CD163L1: variants seen among roughly 807,000 people sequenced by gnomAD.
CD163L1 encodes the protein scavenger receptor cysteine-rich type 1 protein M160.
In CD163L1, 124 loss-of-function variants were observed where a neutral mutation model predicts 165.4. That is an observed-to-expected ratio of 0.75 (90% confidence interval 0.65 to 0.87). The LOEUF is 0.87. Among genes scored for constraint, CD163L1 ranks in the 40% least tolerant of loss-of-function variants. CD163L1 has a pLI of 0.00. For synonymous variants in CD163L1, 585 were observed against 662.2 expected (o/e 0.88, Z 1.79); for missense variants, 1,525 against 1,799.9 (o/e 0.85, Z 2.76).
At chr12:7,349,611 C>T (rs1212471947) in intron 4 of CD163L1, among the ~76,000 whole-genome samples, 2 of 152,158 alleles carry the variant, frequency 1.3e-5, no homozygotes, top group Non-Finnish European at 2.9e-5. Context: ...CTACAATTGT[C>T]GTGGCCACAC....
chr12:7,421,745 GTA>G (rs150499022), intron 4 of CD163L1, among the ~76,000 whole-genome samples: 12 of 1,752 alleles, frequency 6.8e-3, no homozygotes, highest in South Asian at 0.023. Context: ...ATGTGTGTGT[GTA>G]TATATATATA....
At chr12:7,322,522 G>A in the CD163L1 span, 1 of 1,613,776 alleles carries the variant, frequency 6.2e-7, no homozygotes, top group African/African-American at 1.3e-5. Flanking sequence ...CTATATGAGG[G>A]CTATGGACAG....
At chr12:7,364,182 C>T (rs1203279850) in intron 18 of CD163L1, among the ~76,000 whole-genome samples, 1 of 151,976 alleles carries the variant, frequency 6.6e-6, no homozygotes, top group African/African-American at 2.4e-5. Flanking sequence ...GAATCAAGAA[C>T]AAAACCCATA....
Position 7,432,672 on chromosome 12 carries a change from C to A in CD163L1, c.510G>T (p.Val170=). The change falls in exon 4 of 20, where the codon GTG becomes GTT. Residue 170 remains valine, a synonymous_variant. Transcript: ENST00000313599. The surrounding 1 kb of genome is among the most constrained non-coding windows in gnomAD (Gnocchi z 4.2). ...GNNSCSGRVE[V]KFQERWGTIC... is the part of the protein sequence containing the mutation. ...TAGTTCCCCACCTTTCTTGGAATTT[C>A]ACCTCCACTCTCCCTGAACAGGAGT... The A allele has an allele frequency of 1.9e-6, 3 of 1,614,068 alleles. No homozygotes were observed. The highest frequency in any genetic ancestry group is 2.5e-6 in the Non-Finnish European group (3 of 1,180,012).
rs1947842657 is a variant in CD163L1 at position 7,398,979 on chromosome 12, G to A, written c.1409-395C>T. On this transcript the variant is annotated intron_variant, in intron 6 of 19. Coordinates refer to ENST00000313599, the MANE Select transcript of CD163L1 (RefSeq NM_174941.6). This position sits in a 1 kb window ranked among gnomAD's most constrained non-coding sequence, Gnocchi z 4.5. ...TAGCACCAAAGCTTATCCCCTCATA[G>A]TCGTCATTTTAGTTTGTCCACTCAT... is the stretch of plus-strand genomic sequence containing the variant. Among the ~76,000 whole-genome samples, 1 of 152,162 alleles carries A rather than the reference G, an allele frequency of 6.6e-6. No homozygotes were observed. Among genetic ancestry groups the A allele is most frequent in the Non-Finnish European group, 1.5e-5 (1 of 68,026 alleles).
chr12:7,365,430 C>G (rs1021449542), intron 18 of CD163L1, among the ~76,000 whole-genome samples: 2 of 151,944 alleles, frequency 1.3e-5, no homozygotes, highest in Non-Finnish European at 2.9e-5. Context: ...TTATATCAAT[C>G]AAAAATCTTC....
At chr12:7,435,804 T>C (rs1036543886) in intron 2 of CD163L1, among the ~76,000 whole-genome samples, 3 of 152,088 alleles carry the variant, frequency 2.0e-5, no homozygotes, top group Non-Finnish European at 4.4e-5. Flanking sequence ...ATTGACAGGA[T>C]AATAGACAAA....
chr12:7,322,585 T>C, the CD163L1 span: 4 of 1,563,380 alleles, frequency 2.6e-6, no homozygotes, highest in Non-Finnish European at 1.7e-6. Flanking sequence ...TGGGGGCCTT[T>C]CTGCCCCAGG....
Position 7,368,967 on chromosome 12 carries a change from TGAGAGA to T in CD163L1, c.4040-8_4040-3del, listed in dbSNP as rs59576617. 1.0e-5 allele frequency: 16 copies of T among 1,542,006 alleles called. No individual in the cohort carries two copies. The highest frequency in any genetic ancestry group is 8.9e-6 in the Non-Finnish European group (10 of 1,123,254). Reference sequence around the variant, plus strand: ...CATTCAGTGATTTCAGCGACTGTCCTGAGAGAGAGAGAGAGAGAGAGAGACGTAAAT... The same window carrying T: ...CATTCAGTGATTTCAGCGACTGTCCTGAGAGAGAGAGAGAGAGACGTAAAT... On this transcript the variant is annotated splice_region_variant and splice_polypyrimidine_tract_variant and intron_variant, in intron 15 of 19. Coordinates refer to ENST00000313599, the MANE Select transcript of CD163L1 (RefSeq NM_174941.6). The surrounding 1 kb of genome is among the most constrained non-coding windows in gnomAD (Gnocchi z 4.3).
rs60161045 is a variant in CD163L1, at chr12:7,377,940, T to C, written c.2371+1038A>G. On this transcript the variant is annotated intron_variant, in intron 9 of 19. Coordinates refer to ENST00000313599, the MANE Select transcript of CD163L1 (RefSeq NM_174941.6). ...TACATATGTAGGACTCTAATAGTTA[T>C]ATCTCCATTCAATACAAGTCTTCTG... 6.6e-3 allele frequency among the ~76,000 whole-genome samples: 998 copies of C among 152,350 alleles called. 6 individuals carry two copies. The highest frequency in any genetic ancestry group is 0.023 in the African/African-American group (955 of 41,580).
At chr12:7,350,407 A>G (rs759082746), downstream of CD163L1, among the ~76,000 whole-genome samples, 12 of 152,302 alleles carry the variant, frequency 7.9e-5, no homozygotes, top group East Asian at 1.7e-3. Context: ...CAATGTGCAA[A>G]TAGCTAAGGA....
chr12:7,427,300 A>T (rs941115876), intron 4 of CD163L1, among the ~76,000 whole-genome samples: 2 of 152,136 alleles, frequency 1.3e-5, no homozygotes, highest in African/African-American at 4.8e-5. Flanking sequence ...TTTAGATGGC[A>T]TGTCTTCATA....
At chr12:7,441,670 T>C (rs988983791) in intron 1 of CD163L1, among the ~76,000 whole-genome samples, 25 of 152,224 alleles carry the variant, frequency 1.6e-4, no homozygotes, top group Non-Finnish European at 3.2e-4. Context: ...GTATGACATA[T>C]GTACCCGATC....
downstream of CD163L1, among the ~76,000 whole-genome samples, chr12:7,345,993 ACCCAAATACCT>A (rs1946667734): frequency 6.6e-6 from 1 of 152,106 alleles, no homozygotes; most frequent in African/African-American, 2.4e-5. Context: ...TGTGCCTATG[ACCCAAATACCT>A]CCCACTAGGC....
At chr12:7,392,974 G>A (rs1162953305) in intron 8 of CD163L1, among the ~76,000 whole-genome samples, 1 of 152,082 alleles carries the variant, frequency 6.6e-6, no homozygotes, top group Admixed American at 6.5e-5. Flanking sequence ...TGGATTCAGA[G>A]CCGAATTCTA....
chr12:7,408,076 CATAT>C (rs34223603), intron 4 of CD163L1, among the ~76,000 whole-genome samples: 3 of 142,930 alleles, frequency 2.1e-5, no homozygotes, highest in Admixed American at 6.9e-5. Context: ...CTGAACACTA[CATAT>C]ATATATATAT....
intron 2 of CD163L1, among the ~76,000 whole-genome samples, chr12:7,434,670 AAG>A (rs1948691385): frequency 6.6e-6 from 1 of 151,810 alleles, no homozygotes; most frequent in African/African-American, 2.4e-5. Flanking sequence ...AAGATGAAAA[AAG>A]AGAAAGAAAA....
At chr12:7,384,385 A>C (rs1285639014) in intron 8 of CD163L1, among the ~76,000 whole-genome samples, 1 of 152,202 alleles carries the variant, frequency 6.6e-6, no homozygotes, top group Non-Finnish European at 1.5e-5. Context: ...ATAAAATAAT[A>C]GCTGAAACTT....
Position 7,433,430 on chromosome 12 carries a change from C to T in CD163L1, c.389G>A (p.Arg130Gln), listed in dbSNP as rs1304924333. Residue 130 changes from arginine to glutamine, a missense_variant, in exon 3 of 20, where the codon CGG becomes CAG. Coordinates refer to ENST00000313599, the MANE Select transcript of CD163L1 (RefSeq NM_174941.6). ...ATAACAGTTATGGCTTCCCCATTCC[C>T]GGTGTTGACATTCCCAGAGAGCTGA... Reference protein sequence around the residue: ...NESALWECQHREWGSHNCYHG... With the variant: ...NESALWECQHQEWGSHNCYHG... 11 of 1,612,548 alleles carry T rather than the reference C, an allele frequency of 6.8e-6. No homozygotes were observed. Among genetic ancestry groups the T allele is most frequent in the East Asian group, 2.2e-5 (1 of 44,894 alleles).
Sources: allele counts gnomAD v4.1 joint callset (sites outside exome capture counted in the v4.1 genomes callset), GRCh38; gene constraint gnomAD v4.1.1; non-coding constraint Gnocchi (gnomAD v3.1); transcripts MANE v1.5; gene names NCBI Gene and HGNC (gene_info 2026-07-23, HGNC 2026-07-21).